GALNT2: variants seen among roughly 807,000 people sequenced by gnomAD.
GALNT2 encodes the protein polypeptide N-acetylgalactosaminyltransferase 2.
Under a neutral mutation model 81.4 loss-of-function variants are expected in GALNT2, and 31 were observed. The ratio of observed to expected loss-of-function variants is 0.38; its 90% CI spans 0.29 to 0.51. The LOEUF is 0.51. GALNT2 is among the 20% of genes least tolerant of loss of function. The pLI, the probability that GALNT2 is intolerant of heterozygous loss-of-function variation, is 0.87. For synonymous variants in GALNT2, 303 were observed against 287.4 expected, an observed-to-expected ratio of 1.05 and a Z score of -0.55; for missense variants, 629 against 765.7, an observed-to-expected ratio of 0.82 and a Z score of 2.11.
intron 1 of GALNT2, among the ~76,000 whole-genome samples, chr1:230,170,918 C>G (rs756423824): frequency 2.6e-5 from 4 of 152,196 alleles, no homozygotes; most frequent in Non-Finnish European, 5.9e-5. Context: ...CATTGGGGAT[C>G]ACATTTCAAC....
chr1:230,078,245 A>G (rs764901485), intron 1 of GALNT2, among the ~76,000 whole-genome samples: 4 of 152,212 alleles, frequency 2.6e-5, no homozygotes, highest in Non-Finnish European at 5.9e-5. Context: ...TTTTTGAAGA[A>G]CAATACAAAC....
At chr1:230,140,611 C>T (rs755689405) in intron 1 of GALNT2, among the ~76,000 whole-genome samples, 12 of 152,204 alleles carry the variant, frequency 7.9e-5, no homozygotes, top group Non-Finnish European at 1.5e-4. Flanking sequence ...TGGAGTGACG[C>T]GCTGCCACAG....
intron 1 of GALNT2, among the ~76,000 whole-genome samples, chr1:230,118,450 C>T (rs1410459759): frequency 1.3e-5 from 2 of 152,238 alleles, no homozygotes; most frequent in Non-Finnish European, 2.9e-5. Context: ...AGTGTGCAAG[C>T]CTATTTTTTG....
chr1:230,178,751 T>G (rs944578606), intron 2 of GALNT2, among the ~76,000 whole-genome samples: 1 of 151,956 alleles, frequency 6.6e-6, no homozygotes, highest in East Asian at 1.9e-4. Flanking sequence ...TTACAATCCA[T>G]GAACCTGCAT....
chr1:230,167,339 G>A (rs1047311959), intron 1 of GALNT2, among the ~76,000 whole-genome samples: 3 of 151,980 alleles, frequency 2.0e-5, no homozygotes, highest in African/African-American at 7.3e-5. Context: ...TAGAAGCAGG[G>A]TCTCACCACG....
intron 3 of GALNT2, among the ~76,000 whole-genome samples, chr1:230,222,570 T>A (rs1038270681): frequency 1.3e-5 from 2 of 152,058 alleles, no homozygotes; most frequent in Non-Finnish European, 2.9e-5. Flanking sequence ...TTCAAAATCG[T>A]AAGAAACTGA....
intron 13 of GALNT2, chr1:230,264,369 A>C (rs888448178): frequency 6.6e-6 from 1 of 152,364 alleles, no homozygotes; most frequent in East Asian, 1.9e-4. Flanking sequence ...TTTTAACCCA[A>C]CCATGCCACT....
At chr1:230,222,606 A>G (rs1040745336) in intron 3 of GALNT2, among the ~76,000 whole-genome samples, 9 of 152,036 alleles carry the variant, frequency 5.9e-5, no homozygotes, top group Admixed American at 3.3e-4. Context: ...ATCTTTTTAA[A>G]CTTAGGTCAT....
intron 11 of GALNT2, 98 bp downstream of exon 11, chr1:230,255,442 G>A: frequency 6.7e-7 from 1 of 1,487,128 alleles, no homozygotes; most frequent in Non-Finnish European, 9.3e-7. Flanking sequence ...TCCTTCAGTG[G>A]GTGTGGTGCA....
chr1:230,222,726 A>G (rs1376991862), intron 3 of GALNT2, among the ~76,000 whole-genome samples: 1 of 152,168 alleles, frequency 6.6e-6, no homozygotes, highest in African/African-American at 2.4e-5. Context: ...AGATGTAGCT[A>G]CCTTTAATTG....
Position 230,250,474 on chromosome 1 carries a change from G to T in GALNT2, c.923G>T (p.Gly308Val). Reference sequence around the variant, plus strand: ...CTCTTTAGAACCCCCATGATTGCTGGTGGGCTGTTTGTGATGGATAAGTTC... The same window carrying T: ...CTCTTTAGAACCCCCATGATTGCTGTTGGGCTGTTTGTGATGGATAAGTTC... ...VAPIKTPMIA[G>V]GLFVMDKFYF... The change falls in exon 10 of 16, where the codon GGT becomes GTT. Residue 308 changes from glycine (G) to valine (V), a missense_variant. Coordinates refer to ENST00000366672, the MANE Select transcript of GALNT2 (RefSeq NM_004481.5). 6.2e-7 allele frequency: 1 copy of T among 1,613,912 alleles called. No individual in the cohort carries two copies. Among genetic ancestry groups the T allele is most frequent in the African/African-American group, 1.3e-5 (1 of 74,982 alleles).
chr1:230,246,151 G>A lies in GALNT2; in HGVS notation c.817+1G>A. The A allele has an allele frequency of 6.2e-7, 1 of 1,611,228 alleles. No homozygotes were observed. Among genetic ancestry groups the A allele is most frequent in the Non-Finnish European group, 8.5e-7 (1 of 1,177,416 alleles). On this transcript the variant is annotated splice_donor_variant, in intron 8 of 15. Transcript: ENST00000366672. LOFTEE classifies it high-confidence loss of function. ...GGGGCATCTGCTGACTTGAAGGGCG[G>A]TAGGTGTCTGTCATGGTGCCCCTGC... is the stretch of plus-strand genomic sequence containing the variant.
intron 14 of GALNT2, among the ~76,000 whole-genome samples, chr1:230,266,886 G>A (rs1208820101): frequency 1.3e-5 from 2 of 152,194 alleles, no homozygotes; most frequent in African/African-American, 4.8e-5. Flanking sequence ...CAACAGTCTC[G>A]ATGGTTCAGA....
intron 1 of GALNT2, among the ~76,000 whole-genome samples, chr1:230,168,024 C>T (rs1268197071): frequency 6.7e-6 from 1 of 149,366 alleles, no homozygotes; most frequent in Non-Finnish European, 1.5e-5. Context: ...CTTCATTTTT[C>T]TAAAGTAAAA....
chr1:230,104,422 T>C (rs61072482), intron 1 of GALNT2, among the ~76,000 whole-genome samples: 5,035 of 152,264 alleles, frequency 0.033, 294 homozygotes, highest in African/African-American at 0.11. Flanking sequence ...TATTTTAGCC[T>C]GATAATCTTG....
intron 2 of GALNT2, among the ~76,000 whole-genome samples, chr1:230,188,241 G>T (rs1268792462): frequency 6.6e-6 from 1 of 152,106 alleles, no homozygotes; most frequent in African/African-American, 2.4e-5. Context: ...GGGCTGCCGT[G>T]GTCACAAAAA....
chr1:230,247,396 T>G (rs2102745616), intron 8 of GALNT2, among the ~76,000 whole-genome samples: 1 of 152,192 alleles, frequency 6.6e-6, no homozygotes, highest in East Asian at 1.9e-4. Context: ...CTTCCCCCTC[T>G]GGGAAATGGG....
At chr1:230,094,870 G>A (rs977385717) in intron 1 of GALNT2, among the ~76,000 whole-genome samples, 4 of 152,100 alleles carry the variant, frequency 2.6e-5, no homozygotes, top group Admixed American at 6.5e-5. Context: ...ATCTCCCCAC[G>A]TAGAGACAGG....
In GALNT2 at chr1:230,178,208, G is replaced by C; in HGVS notation, c.127-10G>C. On this transcript the variant is annotated splice_polypyrimidine_tract_variant and intron_variant, in intron 1 of 15. Coordinates refer to ENST00000366672, the MANE Select transcript of GALNT2 (RefSeq NM_004481.5). ...ACAAGTCAACTCATTCAGTGTCTTTGTTCCCCTAGGAGGACTGGAATGAAA... is the reference window on the plus strand; with the variant it reads ...ACAAGTCAACTCATTCAGTGTCTTTCTTCCCCTAGGAGGACTGGAATGAAA... The C allele has an allele frequency of 6.2e-7, 1 of 1,606,596 alleles. No individual in the cohort carries two copies. Among genetic ancestry groups the C allele is most frequent in the South Asian group, 1.1e-5 (1 of 90,832 alleles).
Sources: allele counts gnomAD v4.1 joint callset (sites outside exome capture counted in the v4.1 genomes callset), GRCh38; gene constraint gnomAD v4.1.1; transcripts MANE v1.5; gene names NCBI Gene and HGNC (gene_info 2026-07-23, HGNC 2026-07-21).